Variants in FANCI observed in about 807,000 individuals in gnomAD.
FANCI encodes the protein Fanconi anemia group I protein.
FANCI carries 156 observed loss-of-function variants against 176.1 expected under a neutral mutation model. The ratio of observed to expected loss-of-function variants is 0.89; its 90% confidence interval spans 0.78 to 1.01. The LOEUF (loss-of-function observed/expected upper bound fraction) is 1.01. FANCI is among the 50% of genes least tolerant of loss of function. The probability of loss-of-function intolerance (pLI) is 0.00; values close to 1 mark genes in which losing one functional copy is unlikely to be tolerated. For synonymous variants in FANCI, 613 were observed against 541.7 expected, an observed-to-expected ratio of 1.13 and a Z score of -1.83; for missense variants, 1,678 against 1,534.1, an observed-to-expected ratio of 1.09 and a Z score of -1.57.
chr15:89,291,708 A>G lies in FANCI; in HGVS notation c.1986A>G (p.Glu662=), dbSNP rs769047323. 1 of 1,611,980 alleles carries G rather than the reference A, an allele frequency of 6.2e-7. No individual in the cohort carries two copies. Among genetic ancestry groups the G allele is most frequent in the Non-Finnish European group, 8.5e-7 (1 of 1,178,162 alleles). Residue 662 remains glutamate, a synonymous_variant, in exon 20 of 38, where the codon GAA becomes GAG. Transcript: ENST00000310775. ...LTQGDKISLQ[E]PLDYLLCCIQ... ...AAGGAGATAAGATCTCTCTACAAGAACCACTGGTGAGACTTTTATTCTTCC... is the reference window on the plus strand; with the variant it reads ...AAGGAGATAAGATCTCTCTACAAGAGCCACTGGTGAGACTTTTATTCTTCC...
intron 2 of FANCI, among the ~76,000 whole-genome samples, chr15:89,254,218 A>T (rs2151154866): frequency 6.6e-6 from 1 of 152,266 alleles, no homozygotes; most frequent in East Asian, 1.9e-4. Context: ...AATAAATTTT[A>T]AAAAGATGCC....
chr15:89,252,186 G>C (rs1372918051), intron 2 of FANCI, among the ~76,000 whole-genome samples: 2 of 151,616 alleles, frequency 1.3e-5, no homozygotes, highest in East Asian at 3.9e-4. Context: ...TGTAATCCCA[G>C]CTACTCGGGA....
intron 2 of FANCI, among the ~76,000 whole-genome samples, chr15:89,255,371 G>A (rs2052447993): frequency 6.6e-6 from 1 of 152,150 alleles, no homozygotes; most frequent in Non-Finnish European, 1.5e-5. Flanking sequence ...AGTGGTTTCT[G>A]CTGGGCTTTT....
At position 89,285,247 on chromosome 15, in the gene FANCI, C is replaced by G. The variant is rs200095881; in HGVS notation, c.1821+29C>G. On this transcript the variant is annotated intron_variant, in intron 18 of 37. Coordinates refer to ENST00000310775, the MANE Select transcript of FANCI (RefSeq NM_001113378.2). ...AGTCCGTAGAATGGAAAGAATGTAG[C>G]AAAACCCCAACTAATAATTTTTATT... is the stretch of plus-strand genomic sequence containing the variant. 5 of 1,613,028 alleles carry G rather than the reference C, an allele frequency of 3.1e-6. No homozygotes were observed. The East Asian group carries it at 6.7e-5, about 22-fold the overall frequency.
At chr15:89,296,052 C>T (rs2054256317) in intron 24 of FANCI, among the ~76,000 whole-genome samples, 1 of 152,192 alleles carries the variant, frequency 6.6e-6, no homozygotes, top group African/African-American at 2.4e-5. Context: ...ACTGCAACCT[C>T]GGCCTCCCCG....
chr15:89,282,054 C>A, intron 16 of FANCI: 2 of 527,026 alleles, frequency 3.8e-6, no homozygotes, highest in Non-Finnish European at 6.9e-6. Flanking sequence ...ATTGCAATTC[C>A]CATTTTACAG....
At position 89,299,812 on chromosome 15, in the gene FANCI, G is replaced by T; in HGVS notation, c.2649G>T (p.Trp883Cys). Residue 883 changes from tryptophan (W) to cysteine (C), a missense_variant, in exon 25 of 38, where the codon TGG (tryptophan) becomes TGT (cysteine). Physicochemically the swap from Trp to Cys is radical, Grantham distance 215 (BLOSUM62 -2). Around this residue, in one of 3 missense-constraint regions of FANCI, gnomAD observed 1,204 missense variants for 1,077.4 expected, o/e 1.12. Coordinates refer to ENST00000310775, the MANE Select transcript of FANCI (RefSeq NM_001113378.2). ...TCTCCTGCTTCAGAGTCTTGCTATG[G>T]AGATACACTTCAATTCCTACTTCAG... ...NLCDITRVLL[W>C]RYTSIPTSVE... is the part of the protein sequence containing the mutation. 2 of 1,613,594 alleles carry T rather than the reference G, an allele frequency of 1.2e-6. No homozygotes were observed. The highest frequency in any genetic ancestry group is 2.2e-5 in the South Asian group (2 of 90,988).
At chr15:89,278,598 A>T (rs73468711) in intron 13 of FANCI, 89 bp from the exon 14 acceptor site, 8 of 928,792 alleles carry the variant, frequency 8.6e-6, no homozygotes, top group African/African-American at 1.6e-5. Flanking sequence ...CTCATATCCA[A>T]ACGGTTCTTC....
At chr15:89,254,654 A>T (rs560327852) in intron 2 of FANCI, among the ~76,000 whole-genome samples, 1 of 152,206 alleles carries the variant, frequency 6.6e-6, no homozygotes, top group Non-Finnish European at 1.5e-5. Context: ...AAAATAATTT[A>T]AAAAATTAGC....
chr15:89,312,803 C>T, intron 34 of FANCI, 101 bp from the exon 35 acceptor site: 1 of 894,486 alleles, frequency 1.1e-6, no homozygotes, highest in Non-Finnish European at 1.7e-6. Context: ...TGGGTGACAG[C>T]AAAGCTCTGT....
chr15:89,283,271 C>T (rs1026167371), intron 17 of FANCI, 21 bp downstream of exon 17: 1 of 1,613,656 alleles, frequency 6.2e-7, no homozygotes, highest in Non-Finnish European at 8.5e-7. Context: ...TTTACGTTAA[C>T]TTGCAGTGTG....
chr15:89,252,159 G>T (rs575780725), intron 2 of FANCI, among the ~76,000 whole-genome samples: 1 of 151,804 alleles, frequency 6.6e-6, no homozygotes, highest in East Asian at 1.9e-4. Context: ...AATTAGCTGG[G>T]CGTGGTGGTG....
At chr15:89,308,034 T>C (rs2151944535) in intron 34 of FANCI, 1 of 1,184,768 alleles carries the variant, frequency 8.4e-7, no homozygotes, top group Non-Finnish European at 1.1e-6. Flanking sequence ...TGAAGAAGGG[T>C]TGTGATGAGA....
chr15:89,271,969 C>T (rs1473089645), intron 10 of FANCI, among the ~76,000 whole-genome samples: 2 of 152,078 alleles, frequency 1.3e-5, no homozygotes, highest in Non-Finnish European at 2.9e-5. Flanking sequence ...TGCATATATC[C>T]AGGAGTAGAA....
chr15:89,292,567 G>C (rs1430365356), intron 20 of FANCI, 121 bp from the exon 21 acceptor site: 1 of 984,158 alleles, frequency 1.0e-6, no homozygotes, highest in Non-Finnish European at 1.5e-6. Context: ...GACTTAATTT[G>C]TAACGCCAAT....
At chr15:89,275,085 T>TC (rs200043968) in intron 12 of FANCI, among the ~76,000 whole-genome samples, 12 of 143,908 alleles carry the variant, frequency 8.3e-5, no homozygotes, top group Admixed American at 2.1e-4. Flanking sequence ...CCTTTCTTCT[T>TC]TTTTTTTTTT....
chr15:89,274,866 A>G (rs2053348961), intron 12 of FANCI, among the ~76,000 whole-genome samples: 2 of 151,380 alleles, frequency 1.3e-5, no homozygotes. Context: ...TGGCCTCCCA[A>G]AGTGCTGGGA....
intron 6 of FANCI, among the ~76,000 whole-genome samples, chr15:89,262,439 A>AC: frequency 6.6e-6 from 1 of 152,196 alleles, no homozygotes; most frequent in Non-Finnish European, 1.5e-5. Context: ...TATGTAAGTT[A>AC]AGGTAGAGCC....
At position 89,274,057 on chromosome 15, in the gene FANCI, A is replaced by G. The variant is rs887006707; in HGVS notation, c.976-111A>G. 6.3e-5 allele frequency: 52 copies of G among 826,858 alleles called. No individual in the cohort carries two copies. In the African/African-American group the frequency reaches 8.2e-4, roughly 13 times the overall value. 51.2% of individuals were successfully genotyped at this position (826,858 alleles called of 1,614,324 possible). ...AGGAACAGTTATAAGGTTAAGATTT[A>G]TAGCATGAGCTATATAATATTTGCT... is the stretch of plus-strand genomic sequence containing the variant. On this transcript the variant is annotated intron_variant, in intron 11 of 37. Transcript: ENST00000310775.
Sources: allele counts gnomAD v4.1 joint callset (sites outside exome capture counted in the v4.1 genomes callset), GRCh38; gene constraint gnomAD v4.1.1; regional missense constraint gnomAD v4.1.1; transcripts MANE v1.5; gene names NCBI Gene and HGNC (gene_info 2026-07-23, HGNC 2026-07-21).